VWF: variants seen among roughly 807,000 people sequenced by gnomAD.
The protein encoded by VWF is Factor VIII related antigen.
Under a neutral mutation model 308.6 loss-of-function variants are expected in VWF, and 176 were observed. That is an observed-to-expected ratio of 0.57 (90% CI 0.50 to 0.65). The LOEUF is 0.65. Ranked by LOEUF, VWF falls within the 30% of genes least tolerant of loss-of-function variation. The pLI is 0.00. For synonymous variants in VWF, 1,385 were observed against 1,443.4 expected (o/e 0.96, Z 0.92); for missense variants, 3,146 against 3,648.2 (o/e 0.86, Z 3.55).
At chr12:6,026,195 G>A (rs1011959403) in intron 22 of VWF, 149 bp from the exon 23 acceptor site, 51 of 1,128,650 alleles carry the variant, frequency 4.5e-5, no homozygotes, top group Middle Eastern at 4.8e-4. Context: ...GAGGAGGCCC[G>A]AGGTGAGCAG....
In VWF at chr12:6,004,054, T is replaced by C. The variant is rs566103880; in HGVS notation, c.5842+7563A>G. Among the ~76,000 whole-genome samples, 26 of 152,166 alleles carry C rather than the reference T, an allele frequency of 1.7e-4. No homozygotes were observed. In the South Asian group the frequency reaches 3.7e-3, roughly 22 times the overall value. On this transcript the variant is annotated intron_variant, in intron 34 of 51. Coordinates refer to ENST00000261405, the MANE Select transcript of VWF (RefSeq NM_000552.5). ...GGCTGGTCTCAATCTCCTGACCTCA[T>C]TCATGATAATGTCACTGGATATATA...
intron 47 of VWF, among the ~76,000 whole-genome samples, chr12:5,958,619 G>C (rs1316512210): frequency 6.6e-6 from 1 of 151,662 alleles, no homozygotes; most frequent in Non-Finnish European, 1.5e-5. Context: ...AGCCCAGGAA[G>C]TCAAGGCTGC....
At chr12:5,969,759 G>A (rs1408722721) in intron 44 of VWF, among the ~76,000 whole-genome samples, 3 of 152,198 alleles carry the variant, frequency 2.0e-5, no homozygotes, top group Non-Finnish European at 2.9e-5. Flanking sequence ...TTCCCAGGCT[G>A]GTGCCACTTC....
intron 47 of VWF, among the ~76,000 whole-genome samples, chr12:5,957,227 C>T (rs1943261727): frequency 6.6e-6 from 1 of 152,158 alleles, no homozygotes; most frequent in Non-Finnish European, 1.5e-5. Context: ...CGTATGTGCA[C>T]TCCACGATCT....
intron 43 of VWF, among the ~76,000 whole-genome samples, chr12:5,973,254 A>G (rs1018266137): frequency 2.6e-5 from 4 of 152,026 alleles, no homozygotes; most frequent in East Asian, 3.8e-4. Context: ...TCGACATTTG[A>G]TATCTTGTAT....
rs575130717 is a variant in VWF, at chr12:6,054,588, A to AT, written c.1946-1806dup. ...GTGTATCCACTGCATGCCAGGGGCT[A>AT]TGCTAGGCCCAGGGAGGCAGAGATG... On this transcript the variant is annotated intron_variant, in intron 15 of 51. Coordinates refer to ENST00000261405, the MANE Select transcript of VWF (RefSeq NM_000552.5). Among the ~76,000 whole-genome samples the AT allele has an allele frequency of 1.0e-3, 157 of 152,362 alleles. 1 individual carries two copies. The highest frequency in any genetic ancestry group is 3.7e-3 in the African/African-American group (153 of 41,588).
At chr12:5,991,791 ATGGGAAG>A in intron 38 of VWF, 21 bp downstream of exon 38, 1 of 1,611,622 alleles carries the variant, frequency 6.2e-7, no homozygotes, top group East Asian at 2.2e-5. Flanking sequence ...AAGCAGCCCC[ATGGGAAG>A]TGAAAGGCCC....
intron 6 of VWF, among the ~76,000 whole-genome samples, chr12:6,089,196 G>A (rs566390364): frequency 4.6e-5 from 7 of 152,338 alleles, no homozygotes; most frequent in Non-Finnish European, 1.0e-4. Context: ...CAATTCAAAA[G>A]GCCATATTAA....
chr12:6,033,362 C>T (rs897840921), intron 20 of VWF, among the ~76,000 whole-genome samples: 1 of 152,294 alleles, frequency 6.6e-6, no homozygotes, highest in Non-Finnish European at 1.5e-5. Context: ...CAAGGGGCAC[C>T]GTTTGGAGGG....
At chr12:5,957,070 A>T (rs761273762) in intron 47 of VWF, among the ~76,000 whole-genome samples, 2 of 152,140 alleles carry the variant, frequency 1.3e-5, no homozygotes, top group Non-Finnish European at 2.9e-5. Context: ...CTATGTTTAC[A>T]TGTGTTTAGA....
chr12:6,056,834 C>A, intron 15 of VWF, 23 bp downstream of exon 15: 1 of 1,363,360 alleles, frequency 7.3e-7, no homozygotes, highest in South Asian at 1.8e-5. Flanking sequence ...GCCCGGAGGG[C>A]TGCGGGCAGG....
intron 13 of VWF, among the ~76,000 whole-genome samples, chr12:6,059,189 A>G (rs186165334): frequency 6.6e-6 from 1 of 152,344 alleles, no homozygotes; most frequent in East Asian, 1.9e-4. Flanking sequence ...ATGTTGTCAC[A>G]TTAGGCCTTC....
chr12:5,976,021 A>G, intron 43 of VWF, 90 bp downstream of exon 43: 1 of 1,587,224 alleles, frequency 6.3e-7, no homozygotes, highest in African/African-American at 1.3e-5. Flanking sequence ...ATTTCAAAAA[A>G]AAAAGAACCT....
rs111359864 is a variant in VWF at position 6,032,978 on chromosome 12, A to G, written c.2686-1400T>C. Among the ~76,000 whole-genome samples the G allele has an allele frequency of 6.5e-3, 990 of 151,454 alleles. 11 individuals carry two copies. The highest frequency in any genetic ancestry group is 0.021 in the African/African-American group (864 of 41,116). ...CCCATGTACTCATACACAGTCACACACACGCACATGCATACACCCACACAC... is the reference window on the plus strand; with the variant it reads ...CCCATGTACTCATACACAGTCACACGCACGCACATGCATACACCCACACAC... On this transcript the variant is annotated intron_variant, in intron 20 of 51. Coordinates refer to ENST00000261405, the MANE Select transcript of VWF (RefSeq NM_000552.5).
intron 24 of VWF, among the ~76,000 whole-genome samples, chr12:6,025,310 G>C (rs914981678): frequency 1.5e-4 from 23 of 152,188 alleles, no homozygotes; most frequent in Non-Finnish European, 5.9e-5. Context: ...CCTAAGACTG[G>C]GGCTGAAAGA....
At chr12:6,101,922 C>A (rs75834380) in intron 5 of VWF, among the ~76,000 whole-genome samples, 13,755 of 152,270 alleles carry the variant, frequency 0.09, 1,254 homozygotes, top group African/African-American at 0.24. Context: ...TGCCTGTAAT[C>A]CCAGCACTTT....
In VWF at chr12:6,086,316, G is replaced by A. The variant is rs999222966; in HGVS notation, c.657+9144C>T. ...TTGAGAGAGCAGTTCTCATCAAAACGGGGAAAGACACGTGTGTACTTATTG... is the reference window on the plus strand; with the variant it reads ...TTGAGAGAGCAGTTCTCATCAAAACAGGGAAAGACACGTGTGTACTTATTG... On this transcript the variant is annotated intron_variant, in intron 6 of 51. Coordinates refer to ENST00000261405, the MANE Select transcript of VWF (RefSeq NM_000552.5). Among the ~76,000 whole-genome samples, 8 of 152,072 alleles carry A rather than the reference G, an allele frequency of 5.3e-5. No individual in the cohort carries two copies. In the South Asian group the frequency reaches 6.2e-4, roughly 12 times the overall value.
chr12:6,034,972 G>T, intron 19 of VWF, 146 bp from the exon 20 acceptor site: 1 of 982,400 alleles, frequency 1.0e-6, no homozygotes, highest in Non-Finnish European at 1.5e-6. Flanking sequence ...GACCTGTAGC[G>T]TGGAGTGTGG....
intron 22 of VWF, among the ~76,000 whole-genome samples, chr12:6,027,626 T>C (rs1411407521): frequency 6.6e-6 from 1 of 152,036 alleles, no homozygotes. Context: ...GCGTTGAATA[T>C]GGAGGATGGG....
Sources: gnomAD v4.1 joint callset for allele counts (sites outside exome capture counted in the v4.1 genomes callset) on GRCh38, gnomAD v4.1.1 for gene constraint, MANE v1.5 for transcripts, NCBI Gene and HGNC (gene_info 2026-07-23, HGNC 2026-07-21) for gene names.